ABLIM1: variants seen among roughly 807,000 people sequenced by gnomAD.
The protein encoded by ABLIM1 is actin-binding LIM protein 1.
A neutral mutation model predicts 107.0 loss-of-function variants in ABLIM1; 40 were observed. The observed-to-expected ratio is 0.37, with a 90% CI of 0.29 to 0.49. The LOEUF is 0.49. ABLIM1 is among the 20% of genes least tolerant of loss of function. The probability of loss-of-function intolerance (pLI) is 0.97; values close to 1 mark genes in which losing one functional copy is unlikely to be tolerated. For missense variants in ABLIM1, 857 were observed against 1,008.5 expected (o/e 0.85, Z 2.04); for synonymous variants, 357 against 357.3 (o/e 1.00, Z 0.01).
At chr10:114,753,104 G>T (rs535719663) in intron 1 of ABLIM1, among the ~76,000 whole-genome samples, 2 of 152,198 alleles carry the variant, frequency 1.3e-5, no homozygotes, top group African/African-American at 4.8e-5. Context: ...ATGAAGTGAG[G>T]GGGAGTCAAT....
chr10:114,738,302 G>T (rs1418865151), intron 1 of ABLIM1, among the ~76,000 whole-genome samples: 1 of 152,068 alleles, frequency 6.6e-6, no homozygotes, highest in African/African-American at 2.4e-5. Context: ...CACCCACCTT[G>T]GCCTCCCAAA....
At chr10:114,487,471 G>C (rs1187590244) in intron 8 of ABLIM1, among the ~76,000 whole-genome samples, 1 of 152,176 alleles carries the variant, frequency 6.6e-6, no homozygotes, top group East Asian at 1.9e-4. Flanking sequence ...TGTCTTGGTT[G>C]GTTATTATTT....
intron 2 of ABLIM1, among the ~76,000 whole-genome samples, chr10:114,585,284 C>A (rs1189236023): frequency 6.6e-6 from 1 of 152,106 alleles, no homozygotes; most frequent in East Asian, 1.9e-4. Flanking sequence ...AGATACACGA[C>A]CATACATACA....
intron 1 of ABLIM1, among the ~76,000 whole-genome samples, chr10:114,607,551 A>G (rs1433709288): frequency 6.6e-6 from 1 of 152,254 alleles, no homozygotes; most frequent in Non-Finnish European, 1.5e-5. Flanking sequence ...CACATGAGCA[A>G]GGTAAACATC....
At chr10:114,487,932 G>T (rs1344144990) in intron 8 of ABLIM1, 26 bp downstream of exon 8, 6 of 1,613,086 alleles carry the variant, frequency 3.7e-6, no homozygotes, top group African/African-American at 1.3e-5. Context: ...AATGCAGCTG[G>T]CATCATGTTT....
chr10:114,693,242 CT>C, intron 1 of ABLIM1, among the ~76,000 whole-genome samples: 1 of 152,194 alleles, frequency 6.6e-6, no homozygotes, highest in Non-Finnish European at 1.5e-5. Context: ...AGCTCTTATG[CT>C]TTATTTTCTG....
rs78768541 is a variant in ABLIM1 at position 114,632,354 on chromosome 10, G to C, written c.244+25603C>G. ...GATAAATGATTGCCAGGAAGAGGAG[G>C]ACCGAGCACCAGCTAGAGACGGTTC... On this transcript the variant is annotated intron_variant, in intron 1 of 22. Coordinates refer to ENST00000533213, the MANE Select transcript of ABLIM1 (RefSeq NM_002313.7). The C allele has an allele frequency of 1.2e-3, 1,223 of 985,378 alleles. 9 individuals are homozygous for C. In the African/African-American group the frequency reaches 0.02, roughly 16 times the overall value. 61.0% of individuals were successfully genotyped at this position (985,378 alleles called of 1,614,324 possible). A position where few individuals can be genotyped will look rare whatever the true frequency, so the allele number is the denominator to read the frequency against.
chr10:114,726,820 C>T (rs892173110), intron 1 of ABLIM1, among the ~76,000 whole-genome samples: 5 of 152,000 alleles, frequency 3.3e-5, no homozygotes, highest in African/African-American at 4.8e-5. Context: ...CAGGGGATGG[C>T]GCTAAAGCAT....
chr10:114,667,507 TTTTG>T (rs1186523020), intron 1 of ABLIM1, among the ~76,000 whole-genome samples: 1 of 151,484 alleles, frequency 6.6e-6, no homozygotes, highest in African/African-American at 2.5e-5. Context: ...TGAATTAATT[TTTTG>T]TTTCTTTGAT....
At position 114,512,017 on chromosome 10, in the gene ABLIM1, T is replaced by C. The variant is rs550543062; in HGVS notation, c.895-20139A>G. On this transcript the variant is annotated intron_variant, in intron 6 of 22. Transcript: ENST00000533213. The stretch of plus-strand genomic sequence containing the variant: ...AGCAGAAAGACCTGGATAATCCCCA[T>C]CCAAGACAAGTCAATTTCCTTCTGT... 3.3e-5 allele frequency among the ~76,000 whole-genome samples: 5 copies of C among 152,290 alleles called. No individual in the cohort carries two copies. In the South Asian group the frequency reaches 1.0e-3, roughly 32 times the overall value.
At chr10:114,498,701 A>G (rs1208244452) in intron 6 of ABLIM1, among the ~76,000 whole-genome samples, 2 of 152,240 alleles carry the variant, frequency 1.3e-5, no homozygotes, top group Non-Finnish European at 2.9e-5. Context: ...AGAGAAGGAC[A>G]TGATTTTAAA....
chr10:114,728,131 C>G (rs1041856217), intron 1 of ABLIM1, among the ~76,000 whole-genome samples: 1 of 152,048 alleles, frequency 6.6e-6, no homozygotes, highest in African/African-American at 2.4e-5. Context: ...TGACTGTAAT[C>G]ATATGAAAAT....
At chr10:114,556,646 C>T (rs769782581) in intron 4 of ABLIM1, among the ~76,000 whole-genome samples, 1 of 152,188 alleles carries the variant, frequency 6.6e-6, no homozygotes, top group Non-Finnish European at 1.5e-5. Flanking sequence ...AAAACCTCTC[C>T]TTGACCAAAA....
chr10:114,526,847 G>C, intron 6 of ABLIM1: 1 of 985,412 alleles, frequency 1.0e-6, no homozygotes, highest in South Asian at 4.7e-5. Flanking sequence ...CTAAGGCAAC[G>C]TGCATCCCTC....
intron 1 of ABLIM1, among the ~76,000 whole-genome samples, chr10:114,622,144 A>C (rs1455712860): frequency 2.0e-5 from 3 of 151,234 alleles, no homozygotes; most frequent in Non-Finnish European, 2.9e-5. Flanking sequence ...AGCCCCTATC[A>C]TTTTTCCAGG....
chr10:114,482,097 C>T (rs1477694447), intron 8 of ABLIM1, among the ~76,000 whole-genome samples: 1 of 152,166 alleles, frequency 6.6e-6, no homozygotes, highest in Non-Finnish European at 1.5e-5. Context: ...AAGCAAGTGA[C>T]ACCCCCCAGA....
intron 13 of ABLIM1, 86 bp downstream of exon 13, chr10:114,453,293 G>T: frequency 7.2e-7 from 1 of 1,397,440 alleles, no homozygotes; most frequent in Non-Finnish European, 1.0e-6. Flanking sequence ...AATTAAAAGA[G>T]CATGAGAGAT....
upstream of ABLIM1, among the ~76,000 whole-genome samples, chr10:114,769,707 A>G (rs574205609): frequency 5.3e-4 from 80 of 152,356 alleles, no homozygotes; most frequent in African/African-American, 1.9e-3. Flanking sequence ...GGTGAACGTA[A>G]TTCTTTCAGA....
At chr10:114,441,207 T>C (rs566290254) in intron 18 of ABLIM1, 130 bp from the exon 19 acceptor site, 1 of 994,696 alleles carries the variant, frequency 1.0e-6, no homozygotes, top group East Asian at 2.6e-5. Context: ...TCATTTTTTT[T>C]TTCCCTATGA....
Sources: allele counts gnomAD v4.1 joint callset (sites outside exome capture counted in the v4.1 genomes callset), GRCh38; gene constraint gnomAD v4.1.1; transcripts MANE v1.5; gene names NCBI Gene and HGNC (gene_info 2026-07-23, HGNC 2026-07-21).